The following ANK3 variants were observed in gnomAD, a reference collection of about 807,000 sequenced individuals.
ANK3 encodes ankyrin 3, also known as ankyrin-3.
ANK3 carries 57 observed loss-of-function variants against 370.9 expected under a neutral mutation model. That is an observed-to-expected ratio of 0.15 (90% confidence interval 0.12 to 0.19). The LOEUF is 0.19. ANK3 is among the 10% of genes least tolerant of loss of function. The probability of loss-of-function intolerance (pLI) is 1.00; values close to 1 mark genes in which losing one functional copy is unlikely to be tolerated. For synonymous variants in ANK3, 1,929 were observed against 1,946.3 expected (o/e 0.99, Z 0.23); for missense variants, 4,439 against 5,302.1 (o/e 0.84, Z 5.06).
intron 8 of ANK3, among the ~76,000 whole-genome samples, chr10:60,226,481 ATATATATACATATACTATAG>A (rs2097148421): frequency 1.4e-5 from 1 of 73,184 alleles, no homozygotes; most frequent in Non-Finnish European, 2.2e-5. Context: ...TATATATACT[ATATATATACATATACTATAG>A]TATATATACA....
chr10:60,602,653 G>T (rs2078079990), intron 2 of ANK3, among the ~76,000 whole-genome samples: 1 of 152,066 alleles, frequency 6.6e-6, no homozygotes, highest in Admixed American at 6.6e-5. Flanking sequence ...GCTTGGATGG[G>T]AAAAGTACAT....
chr10:60,235,550 GTTT>G (rs72388493), intron 7 of ANK3, among the ~76,000 whole-genome samples: 2,101 of 114,974 alleles, frequency 0.018, 33 homozygotes, highest in African/African-American at 0.062. Flanking sequence ...CTGATTTCTT[GTTT>G]TTTTTTTTTT....
intron 1 of ANK3, among the ~76,000 whole-genome samples, chr10:60,634,881 G>A (rs764714721): frequency 1.3e-5 from 2 of 151,938 alleles, no homozygotes; most frequent in Admixed American, 6.6e-5. Context: ...TGAAGTCAGC[G>A]AGAGAACGAA....
intron 2 of ANK3, among the ~76,000 whole-genome samples, chr10:60,510,742 T>C (rs1344595189): frequency 6.6e-6 from 1 of 151,932 alleles, no homozygotes; most frequent in East Asian, 1.9e-4. Flanking sequence ...ATTGCTTGAA[T>C]CTGGGAGGTG....
chr10:60,598,144 C>T (rs1237947141), intron 2 of ANK3, among the ~76,000 whole-genome samples: 2 of 152,092 alleles, frequency 1.3e-5, no homozygotes, highest in South Asian at 2.1e-4. Context: ...ACTGGGGATC[C>T]AGGAACATCT....
intron 2 of ANK3, among the ~76,000 whole-genome samples, chr10:60,454,800 C>T (rs1446636016): frequency 1.3e-5 from 2 of 152,112 alleles, no homozygotes; most frequent in African/African-American, 4.8e-5. Context: ...TGGGTTATTA[C>T]TGGAAAAATT....
At chr10:60,421,558 G>T (rs751101299) in intron 2 of ANK3, among the ~76,000 whole-genome samples, 3 of 151,780 alleles carry the variant, frequency 2.0e-5, no homozygotes, top group African/African-American at 7.3e-5. Flanking sequence ...GGGAGGGAGC[G>T]CACAATTACT....
At chr10:60,282,389 A>G (rs183992627) in intron 1 of ANK3, among the ~76,000 whole-genome samples, 2 of 152,312 alleles carry the variant, frequency 1.3e-5, no homozygotes, top group East Asian at 3.9e-4. Context: ...AACCTCTAAA[A>G]CAAAACAAAA....
At chr10:60,270,319 C>T (rs903917290) in intron 4 of ANK3, 90 bp from the exon 5 acceptor site, 33 of 678,710 alleles carry the variant, frequency 4.9e-5, no homozygotes, top group Admixed American at 1.4e-4. Context: ...CCAAGAAGTG[C>T]TCACATACAA....
intron 23 of ANK3, among the ~76,000 whole-genome samples, chr10:60,142,996 T>C (rs1207220143): frequency 6.6e-6 from 1 of 152,152 alleles, no homozygotes; most frequent in Non-Finnish European, 1.5e-5. Context: ...TCAAGCCTCC[T>C]GGGGAGATTT....
At chr10:60,449,359 T>C (rs1192903314) in intron 2 of ANK3, among the ~76,000 whole-genome samples, 16 of 152,190 alleles carry the variant, frequency 1.1e-4, no homozygotes, top group Admixed American at 1.0e-3. Flanking sequence ...ATGTTTGAAA[T>C]CTGGTATGTG....
intron 1 of ANK3, among the ~76,000 whole-genome samples, chr10:60,328,200 A>C (rs1179322542): frequency 6.6e-6 from 1 of 152,206 alleles, no homozygotes; most frequent in Non-Finnish European, 1.5e-5. Flanking sequence ...CAATGGAAGC[A>C]AATACAACAA....
intron 7 of ANK3, among the ~76,000 whole-genome samples, chr10:60,253,121 G>A (rs2097691179): frequency 6.6e-6 from 1 of 152,180 alleles, no homozygotes; most frequent in Non-Finnish European, 1.5e-5. Context: ...TTCTGACAGT[G>A]CGGTTTACTT....
At chr10:60,351,475 T>C (rs1468090736) in intron 1 of ANK3, among the ~76,000 whole-genome samples, 1 of 152,216 alleles carries the variant, frequency 6.6e-6, no homozygotes. Context: ...ATTATTCACT[T>C]CAGTGCTATC....
At chr10:60,592,566 C>T (rs1356686555) in intron 2 of ANK3, among the ~76,000 whole-genome samples, 1 of 152,164 alleles carries the variant, frequency 6.6e-6, no homozygotes, top group East Asian at 1.9e-4. Flanking sequence ...TCGAGACCAG[C>T]CTGGCCAACA....
chr10:60,266,397 G>A (rs1193333750), intron 5 of ANK3, among the ~76,000 whole-genome samples: 1 of 151,786 alleles, frequency 6.6e-6, no homozygotes, highest in Non-Finnish European at 1.5e-5. Flanking sequence ...TATTACTTTT[G>A]CAAAAAAAAG....
intron 4 of ANK3, among the ~76,000 whole-genome samples, chr10:60,270,878 T>C (rs2097965486): frequency 6.6e-6 from 1 of 152,176 alleles, no homozygotes; most frequent in African/African-American, 2.4e-5. Context: ...CTCCTTTCTT[T>C]GTGTTTTTTT....
rs1039842974 is a variant in ANK3, at chr10:60,526,118, C to G, written c.96+89068G>C. 2.4e-4 allele frequency among the ~76,000 whole-genome samples: 37 copies of G among 152,120 alleles called. 1 individual carries two copies. Among genetic ancestry groups the G allele is most frequent in the Non-Finnish European group, 4.4e-5 (3 of 68,012 alleles). Reference sequence around the variant, plus strand: ...AGTCAACTATGAAAGAATTCCCCATCCTAATGGTATTTTTCACTTGCATAA... The same window carrying G: ...AGTCAACTATGAAAGAATTCCCCATGCTAATGGTATTTTTCACTTGCATAA... On this transcript the variant is annotated intron_variant, in intron 2 of 43. Transcript: ENST00000373827.
chr10:60,136,434 C>T (rs1470915180), intron 24 of ANK3, among the ~76,000 whole-genome samples: 2 of 152,124 alleles, frequency 1.3e-5, no homozygotes, highest in African/African-American at 2.4e-5. Flanking sequence ...AGTCGCCGGC[C>T]ACTCTCTGCA....
Sources: allele counts gnomAD v4.1 joint callset (sites outside exome capture counted in the v4.1 genomes callset), GRCh38; gene constraint gnomAD v4.1.1; transcripts MANE v1.5; gene names NCBI Gene and HGNC (gene_info 2026-07-23, HGNC 2026-07-21).